ADARB2: variants seen among roughly 807,000 people sequenced by gnomAD.
ADARB2 encodes adenosine deaminase RNA specific B2 (inactive), also known as inactive double-stranded RNA-specific editase B2.
A neutral mutation model predicts 62.2 loss-of-function variants in ADARB2; 25 were observed. That is an observed-to-expected ratio of 0.40 (90% CI 0.29 to 0.56). ADARB2 has a LOEUF of 0.56. ADARB2 is among the 20% of genes least tolerant of loss of function. The pLI, the probability that ADARB2 is intolerant of heterozygous loss-of-function variation, is 0.43. For missense variants in ADARB2, 1,071 were observed against 1,077.4 expected, an observed-to-expected ratio of 0.99 and a Z score of 0.08; for synonymous variants, 572 against 500.8, an observed-to-expected ratio of 1.14 and a Z score of -1.90.
intron 1 of ADARB2, among the ~76,000 whole-genome samples, chr10:1,717,132 G>A (rs1835028543): frequency 7.7e-6 from 1 of 129,768 alleles, no homozygotes; most frequent in African/African-American, 2.9e-5. Flanking sequence ...CGGCTCCTCT[G>A]TCTCTGCTTG....
At position 1,518,023 on chromosome 10, in the gene ADARB2, C is replaced by A. The variant is rs544392775; in HGVS notation, c.101-138863G>T. On this transcript the variant is annotated intron_variant, in intron 1 of 9. Transcript: ENST00000381312. ...CAGTCCCACATCACTCTGAAATAGG[C>A]CTTCTTAGTGGGGAGGTAAAAAGAA... 6.4e-4 allele frequency among the ~76,000 whole-genome samples: 97 copies of A among 152,236 alleles called. 1 individual carries two copies. In the South Asian group the frequency reaches 0.017, roughly 27 times the overall value.
chr10:1,458,487 G>A (rs1447133490), intron 1 of ADARB2, among the ~76,000 whole-genome samples: 2 of 152,186 alleles, frequency 1.3e-5, no homozygotes, highest in African/African-American at 2.4e-5. Flanking sequence ...AAAAAAGAAA[G>A]TCAAGAAGCC....
At chr10:1,233,293 G>A (rs769252774) in intron 6 of ADARB2, among the ~76,000 whole-genome samples, 2 of 152,196 alleles carry the variant, frequency 1.3e-5, no homozygotes, top group African/African-American at 2.4e-5. Flanking sequence ...CCCTGGCTTG[G>A]TTGCAAAAGC....
intron 1 of ADARB2, among the ~76,000 whole-genome samples, chr10:1,459,194 A>G (rs911762925): frequency 5.3e-5 from 8 of 152,262 alleles, no homozygotes; most frequent in Non-Finnish European, 1.0e-4. Context: ...CCAAAGGAGT[A>G]TAAATCATCT....
chr10:1,698,963 G>C (rs1234404460), intron 1 of ADARB2, among the ~76,000 whole-genome samples: 1 of 152,168 alleles, frequency 6.6e-6, no homozygotes, highest in Non-Finnish European at 1.5e-5. Flanking sequence ...GTTTCGCCAT[G>C]TTGGCCAGGC....
chr10:1,631,889 C>A (rs1298907144), intron 1 of ADARB2, among the ~76,000 whole-genome samples: 1 of 152,210 alleles, frequency 6.6e-6, no homozygotes, highest in African/African-American at 2.4e-5. Flanking sequence ...ACTTTTCTCT[C>A]TGTTAAAATT....
intron 1 of ADARB2, among the ~76,000 whole-genome samples, chr10:1,628,362 G>T (rs548218358): frequency 6.6e-6 from 1 of 152,210 alleles, no homozygotes; most frequent in Non-Finnish European, 1.5e-5. Flanking sequence ...ACTGTTCAGC[G>T]CTTGCTAGGC....
chr10:1,710,355 T>C (rs1431717629), intron 1 of ADARB2, among the ~76,000 whole-genome samples: 1 of 152,220 alleles, frequency 6.6e-6, no homozygotes, highest in Non-Finnish European at 1.5e-5. Context: ...GTGACATTGA[T>C]AATTACCATC....
chr10:1,263,775 C>T (rs545509459), intron 4 of ADARB2, among the ~76,000 whole-genome samples: 111 of 152,276 alleles, frequency 7.3e-4, no homozygotes, highest in African/African-American at 2.1e-3. Flanking sequence ...GTTAATTCAG[C>T]CTTGAGGGTT....
At chr10:1,602,168 C>T (rs1533482) in intron 1 of ADARB2, among the ~76,000 whole-genome samples, 60,948 of 152,008 alleles carry the variant, frequency 0.4, 12,656 homozygotes, top group African/African-American at 0.49. Flanking sequence ...TGACTCCACA[C>T]GGGGGACTGA....
chr10:1,561,307 A>G (rs954697425), intron 1 of ADARB2, among the ~76,000 whole-genome samples: 1 of 152,234 alleles, frequency 6.6e-6, no homozygotes, highest in African/African-American at 2.4e-5. Flanking sequence ...ATAGACCCAG[A>G]CAACTTGTGC....
At chr10:1,286,230 A>C (rs547415046) in intron 3 of ADARB2, among the ~76,000 whole-genome samples, 4 of 152,292 alleles carry the variant, frequency 2.6e-5, no homozygotes, top group Admixed American at 1.3e-4. Context: ...AGACCCGGGA[A>C]GTAGGAGAAA....
intron 3 of ADARB2, among the ~76,000 whole-genome samples, chr10:1,321,166 A>G (rs944496573): frequency 1.3e-5 from 2 of 152,126 alleles, no homozygotes. Context: ...TTCTCCCCAT[A>G]TGATGGTGTC....
intron 8 of ADARB2, among the ~76,000 whole-genome samples, chr10:1,188,679 A>T (rs1836797253): frequency 6.7e-6 from 1 of 149,650 alleles, no homozygotes; most frequent in South Asian, 2.1e-4. Context: ...GAATACTCAC[A>T]CAGGCAGTAG....
intron 1 of ADARB2, among the ~76,000 whole-genome samples, chr10:1,610,773 CACAG>C (rs1233128241): frequency 6.6e-6 from 1 of 151,770 alleles, no homozygotes; most frequent in Non-Finnish European, 1.5e-5. Flanking sequence ...CACACACATG[CACAG>C]ACACACATGT....
chr10:1,727,471 C>T (rs1835180983), intron 1 of ADARB2, among the ~76,000 whole-genome samples: 1 of 152,022 alleles, frequency 6.6e-6, no homozygotes. Context: ...CAGAGAGTTC[C>T]GATTATTTAA....
intron 1 of ADARB2, among the ~76,000 whole-genome samples, chr10:1,439,607 C>T (rs78797630): frequency 3.6e-5 from 2 of 55,386 alleles, no homozygotes; most frequent in Non-Finnish European, 4.9e-5. Context: ...TGGAGGCAGG[C>T]CCTTCATGAT....
chr10:1,385,215 A>G (rs1832515829), intron 1 of ADARB2, among the ~76,000 whole-genome samples: 1 of 152,200 alleles, frequency 6.6e-6, no homozygotes, highest in Admixed American at 6.5e-5. Flanking sequence ...GGTATCCACA[A>G]AGCCCAGCAA....
Position 1,481,633 on chromosome 10 carries a change from CGG to C in ADARB2, c.101-102475_101-102474del, listed in dbSNP as rs753635348. ...CACGCATCATCCCAGCTGAAGTGTG[CGG>C]ATCACGAGGTCAGGAGTTCAAGACC... On this transcript the variant is annotated intron_variant, in intron 1 of 9. Coordinates refer to ENST00000381312, the MANE Select transcript of ADARB2 (RefSeq NM_018702.4). 4.1e-3 allele frequency among the ~76,000 whole-genome samples: 162 copies of C among 39,424 alleles called. 1 individual carries two copies. The highest frequency in any genetic ancestry group is 0.029 in the Middle Eastern group (2 of 70). The allele number at this position is 39,424 out of a possible 152,430, so 25.9% of individuals were successfully genotyped here.
Sources: allele counts gnomAD v4.1 joint callset (sites outside exome capture counted in the v4.1 genomes callset), GRCh38; gene constraint gnomAD v4.1.1; transcripts MANE v1.5; gene names NCBI Gene and HGNC (gene_info 2026-07-23, HGNC 2026-07-21).